Variants in DCC observed in about 807,000 individuals in gnomAD.
The protein encoded by DCC is DCC netrin 1 receptor.
Under a neutral mutation model 172.5 loss-of-function variants are expected in DCC, and 58 were observed. The ratio of observed to expected loss-of-function variants is 0.34; its 90% confidence interval spans 0.27 to 0.42. DCC has a LOEUF of 0.42. Among genes scored for constraint, DCC ranks in the 10% least tolerant of loss-of-function variants. The probability of loss-of-function intolerance (pLI) is 1.00; values close to 1 mark genes in which losing one functional copy is unlikely to be tolerated. For missense variants in DCC, 1,740 were observed against 1,791.0 expected, an observed-to-expected ratio of 0.97 and a Z score of 0.51; for synonymous variants, 709 against 644.5, an observed-to-expected ratio of 1.10 and a Z score of -1.52.
intron 7 of DCC, among the ~76,000 whole-genome samples, chr18:53,147,898 G>T (rs1371739492): frequency 1.3e-5 from 2 of 152,112 alleles, no homozygotes; most frequent in African/African-American, 4.8e-5. Flanking sequence ...TTAATGAGTT[G>T]CCTAGTATCC....
intron 2 of DCC, among the ~76,000 whole-genome samples, chr18:52,811,745 C>A (rs748353671): frequency 6.6e-6 from 1 of 152,052 alleles, no homozygotes; most frequent in Non-Finnish European, 1.5e-5. Context: ...TCTGAATAGA[C>A]GGATTTTCTT....
intron 5 of DCC, among the ~76,000 whole-genome samples, chr18:52,926,809 A>G (rs1401641168): frequency 7.1e-6 from 1 of 141,596 alleles, no homozygotes; most frequent in Non-Finnish European, 1.5e-5. Context: ...ACATATACAT[A>G]TGTGTGTGTA....
rs2043084224 is a variant in DCC, at chr18:53,096,105, T to C, written c.1261+29939T>C. 2.0e-5 allele frequency among the ~76,000 whole-genome samples: 3 copies of C among 152,014 alleles called. 1 individual carries two copies. The South Asian group carries it at 6.2e-4, about 32-fold the overall frequency. On this transcript the variant is annotated intron_variant, in intron 7 of 28. Coordinates refer to ENST00000442544, the MANE Select transcript of DCC (RefSeq NM_005215.4). ...CACCAGCGTGGCACATGTATACATA[T>C]GTAACTAACCAGCACATTATGCACA... is the stretch of plus-strand genomic sequence containing the variant.
intron 15 of DCC, among the ~76,000 whole-genome samples, chr18:53,346,337 C>T (rs1406900319): frequency 2.0e-5 from 3 of 152,204 alleles, no homozygotes; most frequent in Non-Finnish European, 2.9e-5. Flanking sequence ...TATGATTTCA[C>T]CAATTTTGGT....
At chr18:52,652,031 G>T (rs575636567) in intron 1 of DCC, among the ~76,000 whole-genome samples, 34 of 152,326 alleles carry the variant, frequency 2.2e-4, no homozygotes, top group African/African-American at 6.5e-4. Flanking sequence ...GAAAGAGAAA[G>T]TTCCCATTGA....
intron 2 of DCC, among the ~76,000 whole-genome samples, chr18:52,831,850 G>C (rs1440186079): frequency 1.3e-5 from 2 of 152,064 alleles, no homozygotes; most frequent in African/African-American, 4.8e-5. Context: ...TAGGATTATG[G>C]TTTACAGTGG....
At chr18:52,681,058 A>G (rs1003326429) in intron 1 of DCC, among the ~76,000 whole-genome samples, 4 of 152,076 alleles carry the variant, frequency 2.6e-5, no homozygotes, top group African/African-American at 9.7e-5. Flanking sequence ...TGCTTACTCT[A>G]TATCAGACTT....
intron 5 of DCC, among the ~76,000 whole-genome samples, chr18:52,926,763 G>A (rs1412014724): frequency 6.8e-6 from 1 of 147,936 alleles, no homozygotes; most frequent in African/African-American, 2.5e-5. Context: ...GATTTCTGGG[G>A]ATAAACTAAA....
chr18:53,293,629 A>G (rs1252830484), intron 12 of DCC, among the ~76,000 whole-genome samples: 1 of 152,058 alleles, frequency 6.6e-6, no homozygotes, highest in Non-Finnish European at 1.5e-5. Context: ...CTCGCACCCT[A>G]TACCTTCAAG....
intron 1 of DCC, among the ~76,000 whole-genome samples, chr18:52,479,706 A>G (rs1229838287): frequency 6.6e-6 from 1 of 152,106 alleles, no homozygotes; most frequent in Non-Finnish European, 1.5e-5. Flanking sequence ...ACAAATGCAG[A>G]CAACATTTTC....
At chr18:53,401,628 T>C (rs1287660602) in intron 18 of DCC, among the ~76,000 whole-genome samples, 1 of 152,204 alleles carries the variant, frequency 6.6e-6, no homozygotes, top group African/African-American at 2.4e-5. Context: ...GATTTCTAAC[T>C]ATCTTTTCCT....
At chr18:53,037,141 G>A (rs1447308589) in intron 5 of DCC, among the ~76,000 whole-genome samples, 1 of 151,948 alleles carries the variant, frequency 6.6e-6, no homozygotes, top group Non-Finnish European at 1.5e-5. Flanking sequence ...CTCAGTCAAT[G>A]ATGCCTAAAG....
intron 1 of DCC, among the ~76,000 whole-genome samples, chr18:52,569,730 G>A (rs1329409248): frequency 6.6e-6 from 1 of 152,132 alleles, no homozygotes; most frequent in Non-Finnish European, 1.5e-5. Context: ...GACTGAGTAA[G>A]GTGGGGTGGA....
intron 1 of DCC, among the ~76,000 whole-genome samples, chr18:52,453,083 G>A (rs1988354987): frequency 6.6e-6 from 1 of 152,214 alleles, no homozygotes; most frequent in Non-Finnish European, 1.5e-5. Flanking sequence ...CCCTCTCCTT[G>A]TCACAGTACA....
intron 1 of DCC, among the ~76,000 whole-genome samples, chr18:52,496,959 G>T (rs2030777332): frequency 6.6e-6 from 1 of 151,650 alleles, no homozygotes; most frequent in Non-Finnish European, 1.5e-5. Context: ...TACATATAAT[G>T]AAAAAAATTA....
chr18:53,238,282 G>A (rs539570611), intron 12 of DCC, among the ~76,000 whole-genome samples: 1 of 152,000 alleles, frequency 6.6e-6, no homozygotes, highest in Admixed American at 6.6e-5. Flanking sequence ...ATGACTCCTA[G>A]AATTATTCAA....
chr18:52,497,259 T>A (rs200014279), intron 1 of DCC, among the ~76,000 whole-genome samples: 2 of 13,192 alleles, frequency 1.5e-4, no homozygotes, highest in African/African-American at 5.8e-4. Context: ...AGACCCTGTA[T>A]CAAAAAAAAA....
At chr18:53,417,948 C>A in intron 21 of DCC, among the ~76,000 whole-genome samples, 1 of 152,156 alleles carries the variant, frequency 6.6e-6, no homozygotes, top group East Asian at 1.9e-4. Flanking sequence ...CACACATCCT[C>A]CATGGATTTT....
intron 2 of DCC, chr18:52,818,220 A>G (rs1799983828): frequency 6.6e-6 from 1 of 151,128 alleles, no homozygotes. Context: ...TCTCTACAAA[A>G]AATTTAAAAA....
Sources: gnomAD v4.1 joint callset for allele counts (sites outside exome capture counted in the v4.1 genomes callset) on GRCh38, gnomAD v4.1.1 for gene constraint, MANE v1.5 for transcripts, NCBI Gene and HGNC (gene_info 2026-07-23, HGNC 2026-07-21) for gene names.